Variants in HCN1 observed in about 807,000 individuals in gnomAD.
HCN1 encodes the protein hyperpolarization activated cyclic nucleotide gated potassium channel 1, also known as potassium/sodium hyperpolarization-activated cyclic nucleotide-gated channel 1.
A neutral mutation model predicts 78.9 loss-of-function variants in HCN1; 13 were observed. The ratio of observed to expected loss-of-function variants is 0.16; its 90% CI spans 0.11 to 0.26. HCN1 has a LOEUF of 0.26. HCN1 is among the 10% of genes least tolerant of loss of function. HCN1 has a pLI of 1.00. For synonymous variants in HCN1, 552 were observed against 455.5 expected, an observed-to-expected ratio of 1.21 and a Z score of -2.70; for missense variants, 810 against 1,154.3, an observed-to-expected ratio of 0.70 and a Z score of 4.32.
intron 3 of HCN1, among the ~76,000 whole-genome samples, chr5:45,407,832 G>C (rs1739955316): frequency 6.6e-6 from 1 of 152,074 alleles, no homozygotes; most frequent in Non-Finnish European, 1.5e-5. Context: ...TTTTATCATA[G>C]GAGTTGACAA....
chr5:45,451,333 T>G (rs1303914192), intron 3 of HCN1, among the ~76,000 whole-genome samples: 2 of 152,094 alleles, frequency 1.3e-5, no homozygotes, highest in African/African-American at 4.8e-5. Flanking sequence ...CAGAAAAATA[T>G]AGAGAAATAA....
At chr5:45,354,674 C>T (rs1250777222) in intron 4 of HCN1, among the ~76,000 whole-genome samples, 3 of 151,954 alleles carry the variant, frequency 2.0e-5, no homozygotes, top group African/African-American at 4.8e-5. Flanking sequence ...CATTAGTACC[C>T]TCAAAGGAAA....
intron 5 of HCN1, among the ~76,000 whole-genome samples, chr5:45,323,577 T>C: frequency 6.6e-6 from 1 of 152,024 alleles, no homozygotes. Flanking sequence ...TTTTTATCAT[T>C]ATTATACTTT....
chr5:45,381,447 C>G (rs916308038), intron 4 of HCN1, among the ~76,000 whole-genome samples: 21 of 151,962 alleles, frequency 1.4e-4, no homozygotes, highest in Admixed American at 6.6e-5. Flanking sequence ...AAATTTGAAA[C>G]AAATAAAGTA....
intron 6 of HCN1, among the ~76,000 whole-genome samples, chr5:45,298,367 A>T (rs533756986): frequency 6.6e-6 from 1 of 152,098 alleles, no homozygotes; most frequent in East Asian, 1.9e-4. Flanking sequence ...TTCAATTACC[A>T]TTCTCCAATT....
At chr5:45,567,115 C>T (rs1229531556) in intron 2 of HCN1, among the ~76,000 whole-genome samples, 2 of 151,798 alleles carry the variant, frequency 1.3e-5, no homozygotes, top group African/African-American at 2.4e-5. Flanking sequence ...GGATAATATA[C>T]AAAAGAAGTA....
At chr5:45,617,847 A>G (rs994036145) in intron 2 of HCN1, among the ~76,000 whole-genome samples, 27 of 131,976 alleles carry the variant, frequency 2.0e-4, no homozygotes, top group African/African-American at 6.8e-4. Context: ...AGGAATATAA[A>G]TTAATTTAAA....
intron 1 of HCN1, among the ~76,000 whole-genome samples, chr5:45,650,626 A>G (rs1025762842): frequency 6.6e-6 from 1 of 152,056 alleles, no homozygotes; most frequent in Non-Finnish European, 1.5e-5. Flanking sequence ...TATCACTAAT[A>G]AGTATAATAT....
chr5:45,602,189 T>C (rs1744638539), intron 2 of HCN1, among the ~76,000 whole-genome samples: 1 of 152,120 alleles, frequency 6.6e-6, no homozygotes, highest in Admixed American at 6.6e-5. Flanking sequence ...CAGGTATTTC[T>C]TCCTAGCGGC....
At chr5:45,597,681 GC>G (rs1317861089) in intron 2 of HCN1, among the ~76,000 whole-genome samples, 1 of 152,152 alleles carries the variant, frequency 6.6e-6, no homozygotes, top group Non-Finnish European at 1.5e-5. Flanking sequence ...CGTCATCTCA[GC>G]CCAAAACCTC....
At chr5:45,344,097 G>T (rs1362005751) in intron 5 of HCN1, among the ~76,000 whole-genome samples, 3 of 152,044 alleles carry the variant, frequency 2.0e-5, no homozygotes, top group Non-Finnish European at 4.4e-5. Flanking sequence ...TGGTAAAAGG[G>T]GAAGCAAACA....
intron 5 of HCN1, among the ~76,000 whole-genome samples, chr5:45,309,648 T>C (rs1579798779): frequency 6.6e-6 from 1 of 152,218 alleles, no homozygotes; most frequent in East Asian, 1.9e-4. Flanking sequence ...TTTAGTTCTG[T>C]TTATGTGATG....
In HCN1 at chr5:45,257,605, G is replaced by A. The variant is rs556229167; in HGVS notation, c.*4316C>T. On this transcript the variant is annotated 3_prime_UTR_variant, in exon 8 of 8. Coordinates refer to ENST00000303230, the MANE Select transcript of HCN1 (RefSeq NM_021072.4). ...CTGTCAAAGCCTGAATTGGAAGCAG[G>A]GTCAGCATTAGGGTGAGACAAGAGA... 7 of 152,208 alleles carry A rather than the reference G, an allele frequency of 4.6e-5. No individual in the cohort carries two copies. The East Asian group carries it at 1.2e-3, about 25-fold the overall frequency. 9.4% of individuals were successfully genotyped at this position (152,208 alleles called of 1,614,324 possible).
intron 5 of HCN1, among the ~76,000 whole-genome samples, chr5:45,339,316 A>G (rs1746527489): frequency 6.6e-6 from 1 of 152,232 alleles, no homozygotes; most frequent in African/African-American, 2.4e-5. Flanking sequence ...AGTGACAGAA[A>G]ATTTATGAAT....
intron 2 of HCN1, among the ~76,000 whole-genome samples, chr5:45,609,571 T>C (rs1744792416): frequency 6.6e-6 from 1 of 152,078 alleles, no homozygotes; most frequent in Non-Finnish European, 1.5e-5. Context: ...ATTTTGACCA[T>C]AAAACCTTAA....
intron 6 of HCN1, among the ~76,000 whole-genome samples, chr5:45,297,764 A>G (rs1561093656): frequency 6.6e-6 from 1 of 152,086 alleles, no homozygotes; most frequent in East Asian, 1.9e-4. Flanking sequence ...TGATGCAATA[A>G]AAGTTATTTT....
chr5:45,437,494 C>A (rs1019481180), intron 3 of HCN1, among the ~76,000 whole-genome samples: 1 of 152,110 alleles, frequency 6.6e-6, no homozygotes, highest in Admixed American at 6.5e-5. Context: ...TTTATTATTT[C>A]CAAGAATACC....
intron 2 of HCN1, among the ~76,000 whole-genome samples, chr5:45,488,217 C>T (rs1486652410): frequency 2.0e-5 from 3 of 152,030 alleles, no homozygotes; most frequent in African/African-American, 7.2e-5. Context: ...TTCTCTTATG[C>T]TTCTTTTAAT....
chr5:45,457,831 C>T (rs920106957), intron 3 of HCN1, among the ~76,000 whole-genome samples: 2 of 152,104 alleles, frequency 1.3e-5, no homozygotes, highest in African/African-American at 4.8e-5. Flanking sequence ...TAACCCCCTT[C>T]TCCAATAACA....
Sources: gnomAD v4.1 joint callset for allele counts (sites outside exome capture counted in the v4.1 genomes callset) on GRCh38, gnomAD v4.1.1 for gene constraint, MANE v1.5 for transcripts, NCBI Gene and HGNC (gene_info 2026-07-23, HGNC 2026-07-21) for gene names.